The following KCNQ5 variants were observed in gnomAD, a reference collection of about 807,000 sequenced individuals.
KCNQ5 encodes potassium voltage-gated channel subfamily KQT member 5.
A neutral mutation model predicts 98.2 loss-of-function variants in KCNQ5; 30 were observed. The observed-to-expected ratio is 0.31, with a 90% CI of 0.23 to 0.41. The LOEUF (loss-of-function observed/expected upper bound fraction) is 0.41. KCNQ5 is among the 10% of genes least tolerant of loss of function. The pLI, the probability that KCNQ5 is intolerant of heterozygous loss-of-function variation, is 1.00. For missense variants in KCNQ5, 835 were observed against 1,182.5 expected, an observed-to-expected ratio of 0.71 and a Z score of 4.31; for synonymous variants, 458 against 449.4, an observed-to-expected ratio of 1.02 and a Z score of -0.24.
chr6:73,036,299 TG>T (rs1382175980), intron 2 of KCNQ5, among the ~76,000 whole-genome samples: 1 of 143,620 alleles, frequency 7.0e-6, no homozygotes, highest in Non-Finnish European at 1.5e-5. Flanking sequence ...GGCAGGCGAA[TG>T]GCATTAACCA....
intron 10 of KCNQ5, among the ~76,000 whole-genome samples, chr6:73,142,430 C>G (rs1776759938): frequency 6.6e-6 from 1 of 151,714 alleles, no homozygotes; most frequent in Non-Finnish European, 1.5e-5. Context: ...ACCTACCTGC[C>G]TTTAACGACA....
At chr6:72,844,611 C>T (rs1478585275) in intron 1 of KCNQ5, among the ~76,000 whole-genome samples, 2 of 152,176 alleles carry the variant, frequency 1.3e-5, no homozygotes, top group African/African-American at 4.8e-5. Context: ...GTAAGCCTGA[C>T]TCAAGTCTTC....
intron 1 of KCNQ5, among the ~76,000 whole-genome samples, chr6:72,941,692 CTT>C (rs1766316172): frequency 2.6e-3 from 1 of 386 alleles, no homozygotes; most frequent in East Asian, 0.083. Flanking sequence ...TTCTTTCTTT[CTT>C]TCTTTCTTTC....
At chr6:73,170,963 T>C (rs1337446774) in intron 11 of KCNQ5, among the ~76,000 whole-genome samples, 4 of 148,890 alleles carry the variant, frequency 2.7e-5, no homozygotes, top group Non-Finnish European at 4.5e-5. Context: ...AAATAAAATA[T>C]CCAAACCAAT....
At chr6:72,682,216 A>G (rs1486732854) in intron 1 of KCNQ5, among the ~76,000 whole-genome samples, 2 of 151,966 alleles carry the variant, frequency 1.3e-5, no homozygotes, top group Non-Finnish European at 2.9e-5. Context: ...AAAACAAAAC[A>G]AAAAACGCTC....
chr6:72,996,295 G>T (rs1385111145), intron 1 of KCNQ5, among the ~76,000 whole-genome samples: 1 of 152,148 alleles, frequency 6.6e-6, no homozygotes, highest in Non-Finnish European at 1.5e-5. Flanking sequence ...CCAAGGCAAG[G>T]AAACAAATAT....
chr6:72,728,224 A>T (rs1363286511), intron 1 of KCNQ5, among the ~76,000 whole-genome samples: 1 of 152,178 alleles, frequency 6.6e-6, no homozygotes, highest in Non-Finnish European at 1.5e-5. Flanking sequence ...AATTATTCGC[A>T]TGCCACCCAC....
chr6:72,685,941 G>C (rs750705226), intron 1 of KCNQ5, among the ~76,000 whole-genome samples: 36 of 152,172 alleles, frequency 2.4e-4, no homozygotes, highest in Non-Finnish European at 4.9e-4. Flanking sequence ...TTCTTAGTGA[G>C]GGTCCTCTTC....
intron 7 of KCNQ5, among the ~76,000 whole-genome samples, chr6:73,112,051 C>T (rs1401242117): frequency 1.3e-5 from 2 of 152,170 alleles, no homozygotes; most frequent in East Asian, 3.8e-4. Context: ...AGCTTCAGCA[C>T]TAAAAGGAAT....
intron 2 of KCNQ5, among the ~76,000 whole-genome samples, chr6:73,013,939 T>G (rs1204419477): frequency 6.6e-6 from 1 of 152,158 alleles, no homozygotes; most frequent in Non-Finnish European, 1.5e-5. Context: ...AAGTTCTTTG[T>G]ACTGAGAATT....
intron 5 of KCNQ5, among the ~76,000 whole-genome samples, chr6:73,082,863 G>T (rs1187346650): frequency 2.0e-5 from 3 of 147,620 alleles, no homozygotes; most frequent in Non-Finnish European, 4.5e-5. Context: ...TGCTTGCAAA[G>T]AGTCAGCATG....
chr6:72,658,026 C>T (rs543488544), intron 1 of KCNQ5, among the ~76,000 whole-genome samples: 2 of 152,262 alleles, frequency 1.3e-5, no homozygotes, highest in Admixed American at 1.3e-4. Context: ...GTATTCTGGG[C>T]ATCTGCAGGC....
chr6:73,063,687 G>C (rs1464260801), intron 3 of KCNQ5, among the ~76,000 whole-genome samples: 1 of 4,988 alleles, frequency 2.0e-4, no homozygotes, highest in African/African-American at 3.0e-4. Context: ...ATAGATAGAT[G>C]ATAGATAGAT....
chr6:73,055,007 T>C (rs1310156146), intron 3 of KCNQ5: 2 of 474,694 alleles, frequency 4.2e-6, no homozygotes, highest in Non-Finnish European at 7.8e-6. Flanking sequence ...GGATACAAAG[T>C]CAATGTACAA....
chr6:73,175,306 A>G (rs908431820), intron 11 of KCNQ5, among the ~76,000 whole-genome samples: 2 of 152,054 alleles, frequency 1.3e-5, no homozygotes, highest in African/African-American at 4.8e-5. Flanking sequence ...ATGCACGACC[A>G]TGACTGGCTA....
At chr6:72,712,628 C>T (rs1173938270) in intron 1 of KCNQ5, among the ~76,000 whole-genome samples, 1 of 152,082 alleles carries the variant, frequency 6.6e-6, no homozygotes, top group Admixed American at 6.6e-5. Context: ...AAATTATGAC[C>T]ATAATGACAG....
intron 10 of KCNQ5, among the ~76,000 whole-genome samples, chr6:73,153,791 T>C (rs1006135423): frequency 5.3e-5 from 8 of 152,132 alleles, no homozygotes; most frequent in Admixed American, 1.3e-4. Context: ...TCCCAAATTT[T>C]TATGTCAAGA....
chr6:72,824,891 T>C (rs1340207535), intron 1 of KCNQ5, among the ~76,000 whole-genome samples: 3 of 152,168 alleles, frequency 2.0e-5, no homozygotes, highest in Non-Finnish European at 4.4e-5. Context: ...AATTCTGTGA[T>C]AATAATGCCT....
chr6:72,970,188 G>A (rs974398399), intron 1 of KCNQ5, among the ~76,000 whole-genome samples: 2 of 152,176 alleles, frequency 1.3e-5, no homozygotes, highest in African/African-American at 4.8e-5. Flanking sequence ...GAGCCCAGGA[G>A]TTCAAGGCTG....
Sources: allele counts gnomAD v4.1 joint callset (sites outside exome capture counted in the v4.1 genomes callset), GRCh38; gene constraint gnomAD v4.1.1; transcripts MANE v1.5; gene names NCBI Gene and HGNC (gene_info 2026-07-23, HGNC 2026-07-21).